Variants in PCSK1 observed in about 807,000 individuals in gnomAD.
PCSK1 encodes the protein neuroendocrine convertase 1.
Under a neutral mutation model 90.6 loss-of-function variants are expected in PCSK1, and 56 were observed. That is an observed-to-expected ratio of 0.62 (90% CI 0.50 to 0.77). The LOEUF (loss-of-function observed/expected upper bound fraction) is 0.77, where lower values mean the gene tolerates loss of function less well. PCSK1 is among the 30% of genes least tolerant of loss of function. The probability of loss-of-function intolerance (pLI) is 0.00; values close to 1 mark genes in which losing one functional copy is unlikely to be tolerated. For missense variants in PCSK1, 801 were observed against 932.6 expected (o/e 0.86, Z 1.84); for synonymous variants, 348 against 342.4 (o/e 1.02, Z -0.18).
intron 7 of PCSK1, among the ~76,000 whole-genome samples, chr5:96,411,392 G>A (rs572802112): frequency 2.0e-5 from 3 of 152,310 alleles, no homozygotes; most frequent in South Asian, 4.1e-4. Flanking sequence ...GAATTATTCA[G>A]ATCTGCCTTG....
At chr5:96,420,668 CAAAG>C (rs1212761106) in intron 5 of PCSK1, among the ~76,000 whole-genome samples, 1 of 134,252 alleles carries the variant, frequency 7.4e-6, no homozygotes, top group African/African-American at 2.8e-5. Context: ...GAAGACTATC[CAAAG>C]AAAGAAATAA....
chr5:96,433,168 C>T lies in PCSK1; in HGVS notation c.-126G>A. 1 of 907,740 alleles carries T rather than the reference C, an allele frequency of 1.1e-6. No individual in the cohort carries two copies. The highest frequency in any genetic ancestry group is 1.8e-6 in the Non-Finnish European group (1 of 560,380). 56.2% of individuals were successfully genotyped at this position (907,740 alleles called of 1,614,324 possible). On this transcript the variant is annotated 5_prime_UTR_variant, in exon 1 of 14. Coordinates refer to ENST00000311106, the MANE Select transcript of PCSK1 (RefSeq NM_000439.5). ...AGACCACTCCTGGCTCCTGGTTGCT[C>T]TGCGAAGAGCTAGGAGGCGCGAGAG...
At chr5:96,397,961 G>A (rs1760219879) in intron 11 of PCSK1, among the ~76,000 whole-genome samples, 1 of 151,754 alleles carries the variant, frequency 6.6e-6, no homozygotes, top group South Asian at 2.1e-4. Context: ...TTTAATTAAT[G>A]TATTAATTTC....
intron 1 of PCSK1, chr5:96,432,144 T>C: frequency 1.3e-6 from 2 of 1,535,324 alleles, no homozygotes; most frequent in South Asian, 1.2e-5. Flanking sequence ...ATCTCGACCC[T>C]GCAGTGGGAC....
intron 9 of PCSK1, among the ~76,000 whole-genome samples, chr5:96,403,283 A>G (rs1760446966): frequency 6.6e-6 from 1 of 152,084 alleles, no homozygotes; most frequent in Non-Finnish European, 1.5e-5. Flanking sequence ...TTATTATTAT[A>G]CTTTAAGTTC....
intron 5 of PCSK1, among the ~76,000 whole-genome samples, chr5:96,421,011 T>G (rs1761110408): frequency 6.6e-6 from 1 of 152,070 alleles, no homozygotes; most frequent in African/African-American, 2.4e-5. Context: ...GTAGAGAAAA[T>G]GAAAAGGAAA....
chr5:96,425,004 AAAGAAAAGAAAG>A (rs1222479232), intron 3 of PCSK1, among the ~76,000 whole-genome samples: 1 of 127,818 alleles, frequency 7.8e-6, no homozygotes, highest in Admixed American at 8.4e-5. Context: ...AAAGAGAAAG[AAAGAAAAGAAAG>A]AAAGAAAGAA....
Position 96,400,020 on chromosome 5 carries a change from G to T in PCSK1, c.1363C>A (p.Pro455Thr), listed in dbSNP as rs368740368. 1 of 1,614,044 alleles carries T rather than the reference G, an allele frequency of 6.2e-7. No homozygotes were observed. Among genetic ancestry groups the T allele is most frequent in the African/African-American group, 1.3e-5 (1 of 74,916 alleles). The change falls in exon 10 of 14, where the codon CCC (proline) becomes ACC (threonine). Residue 455 changes from proline to threonine, a missense_variant. Physicochemically the swap from Pro to Thr is conservative, Grantham distance 38. Transcript: ENST00000311106. ...NAKALVDLAD[P>T]RTWRSVPEKK... ...TCAGGCACGCTCCTCCAGGTCCTGG[G>T]GTCAGCTAAATCCACCAGAGCTTTG...
In PCSK1 at chr5:96,426,012, C is replaced by A. The variant is rs1450486575; in HGVS notation, c.286-82G>T. ...TCCTCTAACTATCTCCAGTACCCTT[C>A]CCATCAGAGTTCAGGCAGCTCTGCA... On this transcript the variant is annotated intron_variant, in intron 2 of 13. Coordinates refer to ENST00000311106, the MANE Select transcript of PCSK1 (RefSeq NM_000439.5). 1.0e-5 allele frequency: 8 copies of A among 788,758 alleles called. No individual in the cohort carries two copies. In the East Asian group the frequency reaches 2.1e-4, roughly 20 times the overall value. The allele number at this position is 788,758 out of a possible 1,614,324, so 48.9% of individuals were successfully genotyped here.
intron 12 of PCSK1, 122 bp from the exon 13 acceptor site, chr5:96,395,147 T>G (rs1403907593): frequency 2.4e-6 from 2 of 843,042 alleles, no homozygotes; most frequent in South Asian, 2.9e-5. Flanking sequence ...GCATTTCATG[T>G]GAAAGAAACC....
rs902537012 is a variant in PCSK1, at chr5:96,392,658, C to T, written c.*343G>A. On this transcript the variant is annotated 3_prime_UTR_variant, in exon 14 of 14. Transcript: ENST00000311106. ...ATTATGTTTTCAAATTAATTGATAT[C>T]CCAGGTTTTGCCTTTTCTTTTGAGA... 5.1e-5 allele frequency: 12 copies of T among 233,624 alleles called. No homozygotes were observed. Among genetic ancestry groups the T allele is most frequent in the African/African-American group, 2.3e-4 (10 of 43,768 alleles). The allele number at this position is 233,624 out of a possible 1,614,324, so 14.5% of individuals were successfully genotyped here.
At chr5:96,426,699 C>T (rs1456539287) in intron 2 of PCSK1, among the ~76,000 whole-genome samples, 1 of 152,122 alleles carries the variant, frequency 6.6e-6, no homozygotes, top group Non-Finnish European at 1.5e-5. Flanking sequence ...TTTTTCTTGG[C>T]AATATGACTA....
intron 1 of PCSK1, among the ~76,000 whole-genome samples, chr5:96,429,531 G>A (rs1429798169): frequency 3.3e-5 from 5 of 151,984 alleles, no homozygotes; most frequent in Admixed American, 6.6e-5. Flanking sequence ...GGGTATTTTT[G>A]TACAGATTAT....
intron 5 of PCSK1, among the ~76,000 whole-genome samples, chr5:96,420,890 T>C (rs1186648625): frequency 1.3e-5 from 2 of 152,156 alleles, no homozygotes; most frequent in East Asian, 1.9e-4. Context: ...AAGCGCTTCA[T>C]GTGACATATA....
intron 6 of PCSK1, among the ~76,000 whole-genome samples, chr5:96,412,750 A>ATGTTT (rs1760800261): frequency 2.2e-4 from 14 of 63,402 alleles, no homozygotes; most frequent in African/African-American, 8.7e-4. Flanking sequence ...GGCAGCTGTG[A>ATGTTT]TGTTTTTTTT....
intron 5 of PCSK1, 119 bp from the exon 6 acceptor site, chr5:96,416,240 G>A: frequency 1.4e-6 from 1 of 725,270 alleles, no homozygotes; most frequent in Non-Finnish European, 2.5e-6. Context: ...TACTGTTTTT[G>A]TTTGTTTGTT....
intron 9 of PCSK1, among the ~76,000 whole-genome samples, chr5:96,406,081 A>C (rs1168031941): frequency 1.3e-5 from 2 of 152,104 alleles, no homozygotes; most frequent in Non-Finnish European, 2.9e-5. Context: ...CCAACAATTC[A>C]TGTTGGATTA....
chr5:96,399,926 G>T, intron 10 of PCSK1, 27 bp downstream of exon 10: 2 of 1,518,658 alleles, frequency 1.3e-6, no homozygotes, highest in Non-Finnish European at 9.1e-7. Context: ...GGGCACACAT[G>T]TGTTTAAAAT....
chr5:96,431,438 A>G (rs917931741), intron 1 of PCSK1, among the ~76,000 whole-genome samples: 1 of 152,220 alleles, frequency 6.6e-6, no homozygotes, highest in African/African-American at 2.4e-5. Flanking sequence ...GACTTCAAGT[A>G]CAACTTCTAT....
Sources: allele counts gnomAD v4.1 joint callset (sites outside exome capture counted in the v4.1 genomes callset), GRCh38; gene constraint gnomAD v4.1.1; transcripts MANE v1.5; gene names NCBI Gene and HGNC (gene_info 2026-07-23, HGNC 2026-07-21).